EFCAB14: variants seen among roughly 807,000 people sequenced by gnomAD.
The protein encoded by EFCAB14 is EF-hand calcium binding domain 14.
A neutral mutation model predicts 56.5 loss-of-function variants in EFCAB14; 43 were observed. That is an observed-to-expected ratio of 0.76 (90% CI 0.60 to 0.98). The LOEUF (loss-of-function observed/expected upper bound fraction) is 0.98, where lower values mean the gene tolerates loss of function less well. Among genes scored for constraint, EFCAB14 ranks in the 50% least tolerant of loss-of-function variants. The pLI is 0.00. For synonymous variants in EFCAB14, 235 were observed against 212.9 expected (o/e 1.10, Z -0.90); for missense variants, 538 against 580.3 (o/e 0.93, Z 0.75).
At chr1:46,713,385 G>A (rs527525528) in intron 2 of EFCAB14, among the ~76,000 whole-genome samples, 4 of 152,286 alleles carry the variant, frequency 2.6e-5, no homozygotes, top group South Asian at 2.1e-4. Flanking sequence ...AGCAGGGTCC[G>A]CAGTCCAGGG....
At chr1:46,702,005 C>T (rs6669116) in intron 3 of EFCAB14, among the ~76,000 whole-genome samples, 1 of 152,154 alleles carries the variant, frequency 6.6e-6, no homozygotes, top group African/African-American at 2.4e-5. Context: ...ATTGCTCTGG[C>T]CTCTAACAGA....
intron 7 of EFCAB14, among the ~76,000 whole-genome samples, chr1:46,687,718 C>T (rs547645953): frequency 1.1e-4 from 16 of 152,288 alleles, no homozygotes; most frequent in Admixed American, 7.2e-4. Flanking sequence ...TGAAACTGCA[C>T]ATTTTATTCA....
At chr1:46,700,860 C>T (rs1479300650) in intron 3 of EFCAB14, among the ~76,000 whole-genome samples, 2 of 151,940 alleles carry the variant, frequency 1.3e-5, no homozygotes, top group South Asian at 4.2e-4. Flanking sequence ...CGCATGTTAA[C>T]CCATAGGCTA....
At chr1:46,717,717 T>C (rs1677419363) in intron 1 of EFCAB14, among the ~76,000 whole-genome samples, 186 bp downstream of exon 1, 1 of 152,138 alleles carries the variant, frequency 6.6e-6, no homozygotes, top group Admixed American at 6.5e-5. Flanking sequence ...TAAAGACAGA[T>C]CTCTAACTTA....
intron 2 of EFCAB14, among the ~76,000 whole-genome samples, chr1:46,713,538 A>T (rs1314165496): frequency 1.3e-5 from 2 of 152,212 alleles, no homozygotes; most frequent in African/African-American, 4.8e-5. Flanking sequence ...CTTTATTTGC[A>T]TTCCCAAAGA....
chr1:46,695,382 A>G lies in EFCAB14; in HGVS notation c.579+1169T>C, dbSNP rs557144480. 4.6e-5 allele frequency among the ~76,000 whole-genome samples: 7 copies of G among 152,038 alleles called. No individual in the cohort carries two copies. In the South Asian group the frequency reaches 1.5e-3, roughly 32 times the overall value. Reference sequence around the variant, plus strand: ...CCCTACCCCTTTTTTTTCCCCCCGAATTTGTAAGTAGATGGCCACATTGGA... The same window carrying G: ...CCCTACCCCTTTTTTTTCCCCCCGAGTTTGTAAGTAGATGGCCACATTGGA... On this transcript the variant is annotated intron_variant, in intron 4 of 10. Transcript: ENST00000371933.
chr1:46,689,094 GA>G (rs1458787212), intron 6 of EFCAB14, among the ~76,000 whole-genome samples: 8 of 152,176 alleles, frequency 5.3e-5, no homozygotes, highest in Non-Finnish European at 8.8e-5. Flanking sequence ...TCTTCTGAGT[GA>G]AGATTTCCTC....
intron 3 of EFCAB14, among the ~76,000 whole-genome samples, chr1:46,700,078 C>T (rs1197731821): frequency 1.3e-5 from 2 of 152,164 alleles, no homozygotes; most frequent in Non-Finnish European, 2.9e-5. Context: ...TTAATTGCAA[C>T]CTTAGAGATC....
intron 4 of EFCAB14, among the ~76,000 whole-genome samples, chr1:46,694,880 A>G (rs1189707888): frequency 2.0e-5 from 3 of 152,220 alleles, no homozygotes; most frequent in African/African-American, 7.2e-5. Context: ...GATATACACC[A>G]TGGAATACTA....
chr1:46,708,345 A>T (rs1044418443), intron 2 of EFCAB14, among the ~76,000 whole-genome samples: 3 of 152,198 alleles, frequency 2.0e-5, no homozygotes, highest in African/African-American at 7.2e-5. Flanking sequence ...GATCTTGAGC[A>T]AATTACTCAA....
At chr1:46,700,956 TGA>T (rs72283851) in intron 3 of EFCAB14, among the ~76,000 whole-genome samples, 9 of 135,216 alleles carry the variant, frequency 6.7e-5, no homozygotes, top group South Asian at 5.0e-4. Flanking sequence ...TATGGGGGCA[TGA>T]GAGAGAGAGA....
intron 2 of EFCAB14, among the ~76,000 whole-genome samples, chr1:46,715,174 TC>T (rs1167839891): frequency 6.6e-6 from 1 of 152,348 alleles, no homozygotes; most frequent in Non-Finnish European, 1.5e-5. Context: ...AACCAGTTCT[TC>T]CTGTTTCTTC....
At chr1:46,714,527 C>T (rs1677358099) in intron 2 of EFCAB14, among the ~76,000 whole-genome samples, 1 of 151,794 alleles carries the variant, frequency 6.6e-6, no homozygotes, top group Non-Finnish European at 1.5e-5. Flanking sequence ...CACAATGGCT[C>T]AAAGTTGTAA....
chr1:46,698,710 T>C (rs777984399), intron 3 of EFCAB14, among the ~76,000 whole-genome samples: 4 of 152,064 alleles, frequency 2.6e-5, no homozygotes, highest in African/African-American at 4.8e-5. Flanking sequence ...GATCTCATAA[T>C]GTGTGTGTGT....
chr1:46,696,529 T>C (rs367678547), intron 4 of EFCAB14, 22 bp downstream of exon 4: 78 of 1,607,176 alleles, frequency 4.9e-5, no homozygotes, highest in Non-Finnish European at 6.6e-5. Flanking sequence ...CTGAAGTCTC[T>C]GTACCCACAC....
chr1:46,712,370 C>T (rs1333341253), intron 2 of EFCAB14, among the ~76,000 whole-genome samples: 1 of 151,952 alleles, frequency 6.6e-6, no homozygotes, highest in Non-Finnish European at 1.5e-5. Flanking sequence ...TAGAATCTTC[C>T]TTAGAATAAC....
At chr1:46,700,003 G>A (rs1315949704) in intron 3 of EFCAB14, among the ~76,000 whole-genome samples, 2 of 152,146 alleles carry the variant, frequency 1.3e-5, no homozygotes, top group African/African-American at 4.8e-5. Flanking sequence ...CCTACCAAAA[G>A]CCATGTGAGT....
At position 46,676,822 on chromosome 1, in the gene EFCAB14, T is replaced by C. The variant is rs1307568484; in HGVS notation, c.*1639A>G. Reference sequence around the variant, plus strand: ...TGCTTTAACTAAATTTTAATACTTCTGGAAAAAAAATTTAAGTTTGGTTAA... The same window carrying C: ...TGCTTTAACTAAATTTTAATACTTCCGGAAAAAAAATTTAAGTTTGGTTAA... On this transcript the variant is annotated 3_prime_UTR_variant, in exon 11 of 11. Coordinates refer to ENST00000371933, the MANE Select transcript of EFCAB14 (RefSeq NM_014774.3). 2.6e-5 allele frequency: 4 copies of C among 152,146 alleles called. No homozygotes were observed. Among genetic ancestry groups the C allele is most frequent in the African/African-American group, 9.7e-5 (4 of 41,278 alleles). The allele number at this position is 152,146 out of a possible 1,614,324, so 9.4% of individuals were successfully genotyped here. A position where few individuals can be genotyped will look rare whatever the true frequency, so the allele number is the denominator to read the frequency against.
chr1:46,710,092 A>C (rs1677287010), intron 2 of EFCAB14, among the ~76,000 whole-genome samples: 1 of 152,242 alleles, frequency 6.6e-6, no homozygotes, highest in Admixed American at 6.5e-5. Flanking sequence ...ATTTTAAGCA[A>C]GCTTACTACT....
Sources: allele counts gnomAD v4.1 joint callset (sites outside exome capture counted in the v4.1 genomes callset), GRCh38; gene constraint gnomAD v4.1.1; transcripts MANE v1.5; gene names NCBI Gene and HGNC (gene_info 2026-07-23, HGNC 2026-07-21).